Variants in CDK14 observed in about 807,000 individuals in gnomAD.
CDK14 encodes the protein cyclin-dependent kinase 14.
In CDK14, 34 loss-of-function variants were observed where a neutral mutation model predicts 60.7. The ratio of observed to expected loss-of-function variants is 0.56; its 90% confidence interval spans 0.43 to 0.75. The LOEUF (loss-of-function observed/expected upper bound fraction) is 0.75. CDK14 is among the 30% of genes least tolerant of loss of function. The pLI, the probability that CDK14 is intolerant of heterozygous loss-of-function variation, is 0.00. For missense variants in CDK14, 482 were observed against 564.1 expected, an observed-to-expected ratio of 0.85 and a Z score of 1.47; for synonymous variants, 197 against 203.7, an observed-to-expected ratio of 0.97 and a Z score of 0.28.
chr7:90,952,194 G>A (rs538885089), intron 8 of CDK14, among the ~76,000 whole-genome samples: 1 of 152,290 alleles, frequency 6.6e-6, no homozygotes, highest in South Asian at 2.1e-4. Flanking sequence ...GAGGCCTGAA[G>A]AGTCTCCATT....
At chr7:90,723,937 C>G (rs1391620079) in intron 2 of CDK14, among the ~76,000 whole-genome samples, 1 of 152,150 alleles carries the variant, frequency 6.6e-6, no homozygotes, top group Admixed American at 6.6e-5. Context: ...TGGAATGACA[C>G]TGGCCTTATA....
intron 9 of CDK14, 95 bp from the exon 10 acceptor site, chr7:90,984,053 T>C (rs1795313055): frequency 1.2e-6 from 1 of 808,508 alleles, no homozygotes; most frequent in Admixed American, 1.9e-5. Flanking sequence ...TACTCACCGC[T>C]TCTCTTCTGT....
intron 2 of CDK14, among the ~76,000 whole-genome samples, chr7:90,608,877 C>T (rs777906361): frequency 6.6e-6 from 1 of 152,144 alleles, no homozygotes; most frequent in East Asian, 1.9e-4. Flanking sequence ...GTGCTCCAAG[C>T]ACATTTTTAT....
intron 12 of CDK14, among the ~76,000 whole-genome samples, chr7:91,103,867 A>AGT (rs1554428544): frequency 6.6e-6 from 1 of 151,854 alleles, no homozygotes; most frequent in African/African-American, 2.4e-5. Flanking sequence ...AGAGAGAGAG[A>AGT]GTGTGTATTG....
chr7:90,839,010 C>T (rs112171406), intron 5 of CDK14, among the ~76,000 whole-genome samples: 1,877 of 152,272 alleles, frequency 0.012, 54 homozygotes, highest in African/African-American at 0.043. Context: ...GTCGCCATCA[C>T]GGTCCTACCA....
chr7:90,837,298 T>A (rs1253698280), intron 5 of CDK14, among the ~76,000 whole-genome samples: 8 of 151,260 alleles, frequency 5.3e-5, no homozygotes, highest in Non-Finnish European at 1.2e-4. Context: ...TTTCTTTTTT[T>A]TTTTTTTGAG....
intron 12 of CDK14, among the ~76,000 whole-genome samples, chr7:91,084,712 C>T (rs1260402038): frequency 6.6e-6 from 1 of 152,252 alleles, no homozygotes; most frequent in African/African-American, 2.4e-5. Context: ...TTTTGATCCC[C>T]TTCTGATAGA....
chr7:90,783,885 T>C (rs1175508011), intron 4 of CDK14, among the ~76,000 whole-genome samples: 1 of 152,012 alleles, frequency 6.6e-6, no homozygotes, highest in Non-Finnish European at 1.5e-5. Context: ...GTCAAAAAAC[T>C]AGAACTACCA....
At position 90,754,847 on chromosome 7, in the gene CDK14, C is replaced by T. The variant is rs1413135671; in HGVS notation, c.464+7072C>T. ...CACTTCTCAAAAGAAGACATTCAAGCGGCCAACAAACATGAAGAAATGCTC... is the reference window on the plus strand; with the variant it reads ...CACTTCTCAAAAGAAGACATTCAAGTGGCCAACAAACATGAAGAAATGCTC... On this transcript the variant is annotated intron_variant, in intron 4 of 14. Transcript: ENST00000380050. Among the ~76,000 whole-genome samples, 4 of 152,162 alleles carry T rather than the reference C, an allele frequency of 2.6e-5. No homozygotes were observed. The East Asian group carries it at 5.8e-4, about 22-fold the overall frequency.
rs532544834 is a variant in CDK14 at position 90,953,641 on chromosome 7, G to A, written c.827-2056G>A. 2.0e-5 allele frequency among the ~76,000 whole-genome samples: 3 copies of A among 152,178 alleles called. No individual in the cohort carries two copies. The East Asian group carries it at 5.8e-4, about 29-fold the overall frequency. ...TTTTTTTATAACTAGCCTGGTCTGA[G>A]CTGTCAATGAAAATCTTCAATTTTT... On this transcript the variant is annotated intron_variant, in intron 8 of 14. Transcript: ENST00000380050.
chr7:90,605,258 T>C (rs771157046), intron 2 of CDK14, among the ~76,000 whole-genome samples: 1 of 152,192 alleles, frequency 6.6e-6, no homozygotes, highest in Non-Finnish European at 1.5e-5. Context: ...CTGGGATTTC[T>C]GGATGGGGCC....
chr7:91,089,494 A>G (rs1463234195), intron 12 of CDK14, among the ~76,000 whole-genome samples: 5 of 151,834 alleles, frequency 3.3e-5, no homozygotes, highest in African/African-American at 4.8e-5. Flanking sequence ...CTATTTGGAT[A>G]TAACTGAACC....
At chr7:90,963,424 T>TA (rs201974227) in intron 9 of CDK14, among the ~76,000 whole-genome samples, 11 of 150,384 alleles carry the variant, frequency 7.3e-5, no homozygotes, top group African/African-American at 1.7e-4. Flanking sequence ...AATAAAAAAT[T>TA]AAAAAAAAAT....
rs115021298 is a variant in CDK14 at position 91,132,489 on chromosome 7, T to C, written c.*28+14281T>C. ...GTTTGGATTTTCATGTTGTTGCCCATAGAGAATATGTATGACTTCCTGGTC... is the reference window on the plus strand; with the variant it reads ...GTTTGGATTTTCATGTTGTTGCCCACAGAGAATATGTATGACTTCCTGGTC... On this transcript the variant is annotated intron_variant, in intron 14 of 14. Coordinates refer to ENST00000380050, the MANE Select transcript of CDK14 (RefSeq NM_001287135.2). Among the ~76,000 whole-genome samples the C allele has an allele frequency of 7.8e-3, 1,189 of 152,196 alleles. 14 individuals carry two copies. Among genetic ancestry groups the C allele is most frequent in the African/African-American group, 0.027 (1,130 of 41,526 alleles).
At chr7:91,125,562 A>G (rs1202388371) in intron 14 of CDK14, among the ~76,000 whole-genome samples, 1 of 152,122 alleles carries the variant, frequency 6.6e-6, no homozygotes, top group Non-Finnish European at 1.5e-5. Flanking sequence ...ACACAAACAC[A>G]CACCATTCAT....
At chr7:91,163,476 T>C (rs1036720040) in intron 14 of CDK14, among the ~76,000 whole-genome samples, 5 of 152,236 alleles carry the variant, frequency 3.3e-5, no homozygotes, top group African/African-American at 7.2e-5. Flanking sequence ...CCTTTTTTAA[T>C]ATTTTTAATT....
At chr7:90,654,913 A>G (rs1288224345) in intron 2 of CDK14, among the ~76,000 whole-genome samples, 1 of 152,098 alleles carries the variant, frequency 6.6e-6, no homozygotes. Context: ...AATGACATGT[A>G]TTTACCATTA....
chr7:91,173,907 AT>A (rs1468877545), intron 14 of CDK14, among the ~76,000 whole-genome samples: 2 of 152,250 alleles, frequency 1.3e-5, no homozygotes, highest in Non-Finnish European at 2.9e-5. Flanking sequence ...CACAGGCTTG[AT>A]TAGGTAAACA....
At chr7:90,873,848 C>T (rs1791458891) in intron 6 of CDK14, among the ~76,000 whole-genome samples, 1 of 152,076 alleles carries the variant, frequency 6.6e-6, no homozygotes, top group South Asian at 2.1e-4. Context: ...TCCTCCACTT[C>T]AAAACAAACG....
Sources: gnomAD v4.1 joint callset for allele counts (sites outside exome capture counted in the v4.1 genomes callset) on GRCh38, gnomAD v4.1.1 for gene constraint, MANE v1.5 for transcripts, NCBI Gene and HGNC (gene_info 2026-07-23, HGNC 2026-07-21) for gene names.